WWOX: variants seen among roughly 807,000 people sequenced by gnomAD.
The protein encoded by WWOX is WW domain containing oxidoreductase.
A neutral mutation model predicts 46.2 loss-of-function variants in WWOX; 69 were observed. The observed-to-expected ratio is 1.49, with a 90% CI of 1.23 to 1.82. The LOEUF is 1.82. Ranked by LOEUF, WWOX falls within the 40% of genes most tolerant of loss-of-function variation. WWOX has a pLI of 0.00. For synonymous variants in WWOX, 359 were observed against 202.6 expected, an observed-to-expected ratio of 1.77 and a Z score of -6.56; for missense variants, 919 against 542.6, an observed-to-expected ratio of 1.69 and a Z score of -6.89.
intron 8 of WWOX, among the ~76,000 whole-genome samples, chr16:78,559,898 G>C (rs1474892969): frequency 1.3e-5 from 2 of 152,112 alleles, no homozygotes; most frequent in Non-Finnish European, 2.9e-5. Context: ...TTATGACTTG[G>C]CTTACAATCC....
At chr16:78,707,050 A>C (rs1208507950) in intron 8 of WWOX, among the ~76,000 whole-genome samples, 1 of 152,240 alleles carries the variant, frequency 6.6e-6, no homozygotes, top group Non-Finnish European at 1.5e-5. Flanking sequence ...TTTTAAGCAG[A>C]AAAGAACGTA....
intron 8 of WWOX, among the ~76,000 whole-genome samples, chr16:78,571,109 G>A (rs1455888438): frequency 1.3e-5 from 2 of 152,168 alleles, no homozygotes; most frequent in Admixed American, 6.5e-5. Flanking sequence ...AAAGCTTACT[G>A]TAGTTACTTA....
In WWOX at chr16:78,793,691, T is replaced by G. The variant is rs2050666873; in HGVS notation, c.1056+360939T>G. ...CAGCCATTATGGAAATAACTTATAA[T>G]TACATTCAGAAATGTTGCAAATGCA... On this transcript the variant is annotated intron_variant, in intron 8 of 8. Coordinates refer to ENST00000566780, the MANE Select transcript of WWOX (RefSeq NM_016373.4). Among the ~76,000 whole-genome samples the G allele has an allele frequency of 2.0e-5, 3 of 152,150 alleles. No individual in the cohort carries two copies. The South Asian group carries it at 6.2e-4, about 32-fold the overall frequency.
At chr16:78,173,046 C>T (rs566956928) in intron 5 of WWOX, among the ~76,000 whole-genome samples, 8 of 152,312 alleles carry the variant, frequency 5.3e-5, no homozygotes, top group East Asian at 1.9e-4. Context: ...AACTTCCCTA[C>T]GCAAGGACAA....
chr16:78,491,915 A>G (rs12716855), intron 8 of WWOX, among the ~76,000 whole-genome samples: 96,118 of 152,022 alleles, frequency 0.63, 34,336 homozygotes, highest in East Asian at 0.83. Flanking sequence ...ACCCTTATCA[A>G]GATTCTGCAG....
At chr16:78,934,523 A>G (rs2045695164) in intron 8 of WWOX, among the ~76,000 whole-genome samples, 1 of 150,330 alleles carries the variant, frequency 6.7e-6, no homozygotes, top group Non-Finnish European at 1.5e-5. Flanking sequence ...AAAAAAAAAA[A>G]AAAAAAAAGA....
chr16:78,367,074 G>C (rs2081551651), intron 5 of WWOX, among the ~76,000 whole-genome samples: 1 of 145,402 alleles, frequency 6.9e-6, no homozygotes, highest in Non-Finnish European at 1.5e-5. Flanking sequence ...CTGCCTCCCA[G>C]GTTTACGCCA....
At chr16:78,237,736 T>G (rs1036192728) in intron 5 of WWOX, 2 of 152,230 alleles carry the variant, frequency 1.3e-5, no homozygotes, top group African/African-American at 4.8e-5. Flanking sequence ...GAAAATGATA[T>G]GGAATTCTGA....
intron 8 of WWOX, among the ~76,000 whole-genome samples, chr16:79,199,128 T>C (rs752153405): frequency 2.0e-5 from 3 of 152,156 alleles, no homozygotes; most frequent in Non-Finnish European, 4.4e-5. Flanking sequence ...AGTGGTGCAA[T>C]CTTGGCTCAC....
chr16:78,457,528 T>C (rs1043710292), intron 8 of WWOX, among the ~76,000 whole-genome samples: 1 of 152,132 alleles, frequency 6.6e-6, no homozygotes, highest in Non-Finnish European at 1.5e-5. Context: ...TTTCCCCAAA[T>C]GCTAAGCTTT....
chr16:78,723,905 C>G (rs80286411), intron 8 of WWOX, among the ~76,000 whole-genome samples: 1,941 of 152,196 alleles, frequency 0.013, 19 homozygotes, highest in South Asian at 0.035. Flanking sequence ...CAAAGACAGT[C>G]TAGTTTGGAT....
At chr16:79,091,728 CAA>C (rs2048963627) in intron 8 of WWOX, among the ~76,000 whole-genome samples, 1 of 151,168 alleles carries the variant, frequency 6.6e-6, no homozygotes, top group African/African-American at 2.4e-5. Flanking sequence ...TTGGTTTTCT[CAA>C]GAGGGTTTCT....
intron 8 of WWOX, among the ~76,000 whole-genome samples, chr16:78,460,817 TCA>T (rs1323328164): frequency 6.6e-6 from 1 of 152,254 alleles, no homozygotes; most frequent in Non-Finnish European, 1.5e-5. Context: ...ATACTCTATT[TCA>T]GTTGAGTTTT....
intron 5 of WWOX, among the ~76,000 whole-genome samples, chr16:78,252,972 A>G (rs942243282): frequency 7.2e-5 from 11 of 152,244 alleles, no homozygotes; most frequent in African/African-American, 2.7e-4. Flanking sequence ...AGGGGCTGAT[A>G]GAAACGCAAA....
intron 8 of WWOX, among the ~76,000 whole-genome samples, chr16:79,038,131 G>A (rs926136623): frequency 6.6e-6 from 1 of 152,042 alleles, no homozygotes; most frequent in Non-Finnish European, 1.5e-5. Flanking sequence ...AAAAGGATCT[G>A]TCCCCCCGTG....
intron 8 of WWOX, among the ~76,000 whole-genome samples, chr16:78,518,399 A>G (rs1163261524): frequency 6.6e-6 from 1 of 151,584 alleles, no homozygotes; most frequent in Non-Finnish European, 1.5e-5. Context: ...TTTGTATTTT[A>G]TATTAGAGAT....
rs142643960 is a variant in WWOX at position 79,114,926 on chromosome 16, G to A, written c.1057-96682G>A. The stretch of plus-strand genomic sequence containing the variant: ...TGATGACACAGAGGCAGGAGCCGGG[G>A]CTGCAGACTAAATTATATACATCTC... On this transcript the variant is annotated intron_variant, in intron 8 of 8. Transcript: ENST00000566780. Among the ~76,000 whole-genome samples the A allele has an allele frequency of 4.1e-4, 62 of 152,332 alleles. 2 individuals carry two copies. The East Asian group carries it at 0.01, about 26-fold the overall frequency.
intron 8 of WWOX, among the ~76,000 whole-genome samples, chr16:79,008,782 T>C (rs530431321): frequency 6.6e-6 from 1 of 152,318 alleles, no homozygotes; most frequent in East Asian, 1.9e-4. Flanking sequence ...ACAGCACCTG[T>C]CCCAGGCCTT....
chr16:78,179,389 T>C (rs1402230267), intron 5 of WWOX, among the ~76,000 whole-genome samples: 2 of 152,182 alleles, frequency 1.3e-5, no homozygotes, highest in Non-Finnish European at 2.9e-5. Flanking sequence ...TGGAAAGGAC[T>C]TTCTGAGATC....
Sources: allele counts gnomAD v4.1 joint callset (sites outside exome capture counted in the v4.1 genomes callset), GRCh38; gene constraint gnomAD v4.1.1; transcripts MANE v1.5; gene names NCBI Gene and HGNC (gene_info 2026-07-23, HGNC 2026-07-21).